Variants in POLR3B observed in about 807,000 individuals in gnomAD.
POLR3B encodes RNA polymerase III subunit B.
Under a neutral mutation model 147.4 loss-of-function variants are expected in POLR3B, and 96 were observed. The ratio of observed to expected loss-of-function variants is 0.65; its 90% confidence interval spans 0.55 to 0.77. The LOEUF (loss-of-function observed/expected upper bound fraction) is 0.77, where lower values mean the gene tolerates loss of function less well. Ranked by LOEUF, POLR3B falls within the 30% of genes least tolerant of loss-of-function variation. The pLI is 0.00. For synonymous variants in POLR3B, 461 were observed against 485.9 expected, an observed-to-expected ratio of 0.95 and a Z score of 0.67; for missense variants, 1,036 against 1,413.5, an observed-to-expected ratio of 0.73 and a Z score of 4.28.
chr12:106,430,311 GGGTGTAACCCAAGTGCT>G lies in POLR3B; in HGVS notation c.1304_1320del (p.Gly435ValfsTer20). On this transcript the variant is annotated frameshift_variant, in exon 14 of 28. Coordinates refer to ENST00000228347, the MANE Select transcript of POLR3B (RefSeq NM_018082.6). LOFTEE classifies it high-confidence loss of function. Reference sequence around the variant, plus strand: ...TAAAGAGATTTAAAATGGACCGCCAGGGTGTAACCCAAGTGCTGTCTCGCTTGTCATATATATCCGCA... The same window carrying G: ...TAAAGAGATTTAAAATGGACCGCCAGGTCTCGCTTGTCATATATATCCGCA... 6.2e-7 allele frequency: 1 copy of G among 1,614,088 alleles called. No individual in the cohort carries two copies. The highest frequency in any genetic ancestry group is 8.5e-7 in the Non-Finnish European group (1 of 1,179,960).
intron 23 of POLR3B, among the ~76,000 whole-genome samples, chr12:106,469,218 T>A (rs2038052676): frequency 6.6e-6 from 1 of 152,110 alleles, no homozygotes; most frequent in African/African-American, 2.4e-5. Context: ...TCTCTTTTGA[T>A]TTTTGTTGGT....
At chr12:106,389,272 G>A (rs1212069156) in intron 9 of POLR3B, among the ~76,000 whole-genome samples, 1 of 152,178 alleles carries the variant, frequency 6.6e-6, no homozygotes, top group African/African-American at 2.4e-5. Flanking sequence ...TATCGCCCCT[G>A]TATTTAGTGA....
chr12:106,507,426 T>A (rs553048799), intron 27 of POLR3B, among the ~76,000 whole-genome samples: 50 of 152,222 alleles, frequency 3.3e-4, no homozygotes, highest in African/African-American at 1.2e-3. Flanking sequence ...ATAGATTAGC[T>A]TGGATCGGAG....
intron 10 of POLR3B, among the ~76,000 whole-genome samples, chr12:106,405,577 C>CAT (rs1275870469): frequency 1.4e-5 from 2 of 144,986 alleles, no homozygotes; most frequent in Non-Finnish European, 3.1e-5. Flanking sequence ...CACACACACA[C>CAT]ACAAATATAT....
chr12:106,415,577 T>G (rs2037290697), intron 12 of POLR3B, among the ~76,000 whole-genome samples: 1 of 152,218 alleles, frequency 6.6e-6, no homozygotes, highest in Non-Finnish European at 1.5e-5. Context: ...CCAGGAGATA[T>G]GTATCTGTGA....
At chr12:106,498,432 G>A (rs775861354) in intron 25 of POLR3B, among the ~76,000 whole-genome samples, 4 of 152,190 alleles carry the variant, frequency 2.6e-5, no homozygotes, top group South Asian at 2.1e-4. Context: ...TGGAATCATC[G>A]TGGTTTTTAA....
Position 106,380,089 on chromosome 12 carries a change from T to C in POLR3B, c.673T>C (p.Leu225=). Residue 225 remains leucine, a synonymous_variant, in exon 9 of 28, where the codon TTG becomes CTG. Coordinates refer to ENST00000228347, the MANE Select transcript of POLR3B (RefSeq NM_018082.6). Reference sequence around the variant, plus strand: ...GGCTGTGAAACAAGGACGATTTTATTTGAGGCATAATACTTTGTCAGAAGA... The same window carrying C: ...GGCTGTGAAACAAGGACGATTTTATCTGAGGCATAATACTTTGTCAGAAGA... ...NMAVKQGRFY[L]RHNTLSEDIP... is the part of the protein sequence containing the mutation. 2.5e-6 allele frequency: 4 copies of C among 1,613,090 alleles called. No individual in the cohort carries two copies. The highest frequency in any genetic ancestry group is 3.4e-6 in the Non-Finnish European group (4 of 1,179,250).
rs1471468900 is a variant in POLR3B at position 106,405,894 on chromosome 12, G to A, written c.884G>A (p.Arg295Lys). 3 of 1,613,002 alleles carry A rather than the reference G, an allele frequency of 1.9e-6. No individual in the cohort carries two copies. Among genetic ancestry groups the A allele is most frequent in the African/African-American group, 2.7e-5 (2 of 74,896 alleles). The part of the protein sequence containing the change: ...KYIGNKVRRQ[R>K]MWGGGPKKTK... ...ATAGGGAACAAAGTAAGAAGGCAAA[G>A]GATGTGGGGAGGTGGACCAAAGAAA... Residue 295 changes from arginine to lysine, a missense_variant, in exon 11 of 28, where the codon AGG becomes AAG. Physicochemically the swap from Arg to Lys is conservative, Grantham distance 26. Coordinates refer to ENST00000228347, the MANE Select transcript of POLR3B (RefSeq NM_018082.6).
chr12:106,455,870 C>T (rs2037858211), intron 20 of POLR3B, among the ~76,000 whole-genome samples: 1 of 152,140 alleles, frequency 6.6e-6, no homozygotes, highest in South Asian at 2.1e-4. Context: ...AAATTCGTTA[C>T]TTCATCTCAC....
chr12:106,488,694 A>T lies in POLR3B; in HGVS notation c.2714-7361A>T, dbSNP rs1195893515. On this transcript the variant is annotated intron_variant, in intron 23 of 27. Transcript: ENST00000228347. ...ATATGCTGATTGAAATTATGTTTGG[A>T]ATTAGACTTTCTATTAAAATCAAAA... Among the ~76,000 whole-genome samples the T allele has an allele frequency of 2.0e-5, 3 of 152,186 alleles. No individual in the cohort carries two copies. The East Asian group carries it at 5.8e-4, about 29-fold the overall frequency.
At chr12:106,469,875 C>T (rs921560968) in intron 23 of POLR3B, among the ~76,000 whole-genome samples, 1 of 152,274 alleles carries the variant, frequency 6.6e-6, no homozygotes, top group South Asian at 2.1e-4. Flanking sequence ...CTCTGGCTGC[C>T]CTTAACACTT....
At chr12:106,437,594 A>G (rs2037593963) in intron 17 of POLR3B, 87 bp from the exon 18 acceptor site, 4 of 760,298 alleles carry the variant, frequency 5.3e-6, no homozygotes, top group Non-Finnish European at 7.0e-6. Flanking sequence ...CTTTGGGCCT[A>G]AACGAAAGCC....
At chr12:106,508,431 T>C (rs926984030) in intron 27 of POLR3B, among the ~76,000 whole-genome samples, 3 of 152,212 alleles carry the variant, frequency 2.0e-5, no homozygotes, top group Non-Finnish European at 2.9e-5. Flanking sequence ...GCTATTCTTC[T>C]TGGACTCATT....
chr12:106,384,767 C>T (rs1037760968), intron 9 of POLR3B, among the ~76,000 whole-genome samples: 5 of 151,612 alleles, frequency 3.3e-5, no homozygotes, highest in African/African-American at 1.2e-4. Flanking sequence ...AAGCTTTGTT[C>T]AGGCATGAGT....
At chr12:106,497,782 A>T (rs1592777601) in intron 25 of POLR3B, among the ~76,000 whole-genome samples, 1 of 152,216 alleles carries the variant, frequency 6.6e-6, no homozygotes, top group Non-Finnish European at 1.5e-5. Context: ...GCTAGACATT[A>T]AAAAATAATA....
intron 9 of POLR3B, among the ~76,000 whole-genome samples, chr12:106,386,543 A>G (rs1191659168): frequency 6.6e-6 from 1 of 152,088 alleles, no homozygotes. Flanking sequence ...TGGAAAATGC[A>G]TGACTAGACT....
intron 22 of POLR3B, among the ~76,000 whole-genome samples, chr12:106,461,735 C>T (rs527928255): frequency 6.6e-6 from 1 of 152,282 alleles, no homozygotes; most frequent in East Asian, 1.9e-4. Flanking sequence ...CCTCTCTCTT[C>T]CCTTGATGTT....
At chr12:106,479,352 A>G (rs2038228964) in intron 23 of POLR3B, among the ~76,000 whole-genome samples, 1 of 151,222 alleles carries the variant, frequency 6.6e-6, no homozygotes. Context: ...TTCTAATTAA[A>G]TGTTTAAAGT....
At chr12:106,476,752 G>C (rs944257677) in intron 23 of POLR3B, among the ~76,000 whole-genome samples, 1 of 151,744 alleles carries the variant, frequency 6.6e-6, no homozygotes, top group Non-Finnish European at 1.5e-5. Context: ...ATTGGTTATT[G>C]TAGTTATACA....
Sources: gnomAD v4.1 joint callset for allele counts (sites outside exome capture counted in the v4.1 genomes callset) on GRCh38, gnomAD v4.1.1 for gene constraint, MANE v1.5 for transcripts, NCBI Gene and HGNC (gene_info 2026-07-23, HGNC 2026-07-21) for gene names.